The following CDKAL1 variants were observed in gnomAD, a reference collection of about 807,000 sequenced individuals.
The protein encoded by CDKAL1 is threonylcarbamoyladenosine tRNA methylthiotransferase.
CDKAL1 carries 32 observed loss-of-function variants against 68.2 expected under a neutral mutation model. The observed-to-expected ratio is 0.47, with a 90% CI of 0.35 to 0.63. The LOEUF (loss-of-function observed/expected upper bound fraction) is 0.63, where lower values mean the gene tolerates loss of function less well. CDKAL1 is among the 30% of genes least tolerant of loss of function. The pLI is 0.00. For missense variants in CDKAL1, 606 were observed against 696.7 expected (o/e 0.87, Z 1.47); for synonymous variants, 234 against 244.3 (o/e 0.96, Z 0.39).
chr6:20,618,189 G>A (rs144885161), intron 4 of CDKAL1, among the ~76,000 whole-genome samples: 98 of 152,300 alleles, frequency 6.4e-4, no homozygotes, highest in East Asian at 2.3e-3. Context: ...ATTTTTTCAT[G>A]TGTCTGTTGG....
intron 13 of CDKAL1, among the ~76,000 whole-genome samples, chr6:21,119,782 T>C (rs1410085960): frequency 1.3e-5 from 2 of 152,178 alleles, no homozygotes; most frequent in African/African-American, 4.8e-5. Flanking sequence ...CATGGTGCAT[T>C]TGGGTACCTG....
intron 14 of CDKAL1, among the ~76,000 whole-genome samples, chr6:21,200,321 G>A (rs1297997244): frequency 6.6e-6 from 1 of 152,228 alleles, no homozygotes; most frequent in Admixed American, 6.5e-5. Flanking sequence ...ACTGGTTCTA[G>A]ATGGAGGTAG....
chr6:20,992,884 A>T (rs1388031861), intron 10 of CDKAL1, among the ~76,000 whole-genome samples: 5 of 147,982 alleles, frequency 3.4e-5, no homozygotes, highest in African/African-American at 1.3e-4. Context: ...CCTGGGCAAC[A>T]GAATGAGACT....
chr6:20,891,637 C>T (rs1192905445), intron 9 of CDKAL1, among the ~76,000 whole-genome samples: 4 of 150,596 alleles, frequency 2.7e-5, no homozygotes, highest in African/African-American at 9.8e-5. Flanking sequence ...CGGGTTCAAG[C>T]GATTCTCCTG....
intron 9 of CDKAL1, among the ~76,000 whole-genome samples, chr6:20,920,405 A>G (rs1041481277): frequency 3.9e-5 from 6 of 152,236 alleles, no homozygotes; most frequent in African/African-American, 9.6e-5. Context: ...GATCAAAGTC[A>G]GTGAAGTGAA....
chr6:20,748,554 GGAAAAAA>G lies in CDKAL1; in HGVS notation c.468+8940_468+8946del, dbSNP rs1159305845. ...GGAAAGAGAGCAAGACTCTGTTTCTGGAAAAAAAAAAAAAAAAAAAAAAAAAAAAAAA... is the reference window on the plus strand; with the variant it reads ...GGAAAGAGAGCAAGACTCTGTTTCTGAAAAAAAAAAAAAAAAAAAAAAAAA... On this transcript the variant is annotated intron_variant, in intron 6 of 15. Transcript: ENST00000274695. Among the ~76,000 whole-genome samples the G allele has an allele frequency of 4.5e-3, 347 of 77,024 alleles. 32 individuals carry two copies. Among genetic ancestry groups the G allele is most frequent in the Middle Eastern group, 7.6e-3 (1 of 132 alleles). The allele number at this position is 77,024 out of a possible 152,430, so 50.5% of individuals were successfully genotyped here.
At chr6:21,187,770 G>A (rs1007401147) in intron 13 of CDKAL1, among the ~76,000 whole-genome samples, 1 of 151,804 alleles carries the variant, frequency 6.6e-6, no homozygotes, top group Non-Finnish European at 1.5e-5. Context: ...TTTTAAATTT[G>A]GCTTACTTTT....
chr6:20,740,122 T>A (rs994303371), intron 6 of CDKAL1, among the ~76,000 whole-genome samples: 1 of 152,242 alleles, frequency 6.6e-6, no homozygotes. Flanking sequence ...TGCAGTTACC[T>A]GTCGTATAAT....
Position 21,118,135 on chromosome 6 carries a change from C to T in CDKAL1, c.1299+9672C>T, listed in dbSNP as rs540308781. ...ACCCCCCAGAAGGTTCACTTTGTTT[C>T]TCCGTGATACATTTTATCATAAAAT... On this transcript the variant is annotated intron_variant, in intron 13 of 15. Coordinates refer to ENST00000274695, the MANE Select transcript of CDKAL1 (RefSeq NM_017774.3). 1.5e-4 allele frequency among the ~76,000 whole-genome samples: 23 copies of T among 152,278 alleles called. No individual in the cohort carries two copies. In the South Asian group the frequency reaches 4.8e-3, roughly 32 times the overall value.
intron 12 of CDKAL1, among the ~76,000 whole-genome samples, chr6:21,097,746 C>G (rs1357136790): frequency 6.6e-6 from 1 of 152,090 alleles, no homozygotes; most frequent in Non-Finnish European, 1.5e-5. Flanking sequence ...TGCAAACATA[C>G]TAAAAAGAAA....
intron 5 of CDKAL1, among the ~76,000 whole-genome samples, chr6:20,723,114 C>T (rs1419187019): frequency 6.6e-6 from 1 of 152,176 alleles, no homozygotes; most frequent in Non-Finnish European, 1.5e-5. Context: ...TGGAGGGCAG[C>T]TGCCCCATGT....
At chr6:21,166,622 C>A (rs1049754411) in intron 13 of CDKAL1, among the ~76,000 whole-genome samples, 3 of 152,074 alleles carry the variant, frequency 2.0e-5, no homozygotes, top group African/African-American at 7.2e-5. Context: ...TCTGAAATTT[C>A]ACTATTAAAA....
In CDKAL1 at chr6:20,955,527, A is replaced by AG. The variant is rs773175492; in HGVS notation, c.854dup (p.Ala286SerfsTer25). On this transcript the variant is annotated frameshift_variant, in exon 10 of 16. Coordinates refer to ENST00000274695, the MANE Select transcript of CDKAL1 (RefSeq NM_017774.3). LOFTEE classifies it high-confidence loss of function. ...TGGAAACTGGTTGAAGTGATTCCTG[A>AG]GGGAGCAATGCTGAGGCTTGGCATG... is the stretch of plus-strand genomic sequence containing the variant. 1 of 1,614,176 alleles carries AG rather than the reference A, an allele frequency of 6.2e-7. No homozygotes were observed. Among genetic ancestry groups the AG allele is most frequent in the East Asian group, 2.2e-5 (1 of 44,892 alleles).
At position 20,999,500 on chromosome 6, in the gene CDKAL1, G is replaced by T. The variant is rs531154278; in HGVS notation, c.910-727G>T. Among the ~76,000 whole-genome samples, 6 of 151,234 alleles carry T rather than the reference G, an allele frequency of 4.0e-5. No homozygotes were observed. In the South Asian group the frequency reaches 1.0e-3, roughly 26 times the overall value. On this transcript the variant is annotated intron_variant, in intron 10 of 15. Transcript: ENST00000274695. ...TTTTCACTTAAATGTATTCTCTTTCGCTTGGCAAGATACGTTCTTCTTAAT... is the reference window on the plus strand; with the variant it reads ...TTTTCACTTAAATGTATTCTCTTTCTCTTGGCAAGATACGTTCTTCTTAAT...
chr6:21,056,726 A>G (rs1770857951), intron 11 of CDKAL1, among the ~76,000 whole-genome samples: 1 of 152,142 alleles, frequency 6.6e-6, no homozygotes, highest in Non-Finnish European at 1.5e-5. Flanking sequence ...AGAGCTTTTA[A>G]CATGAAGGGA....
chr6:20,845,935 T>TA, intron 8 of CDKAL1, 140 bp from the exon 9 acceptor site: 1 of 514,768 alleles, frequency 1.9e-6, no homozygotes, highest in Non-Finnish European at 3.4e-6. Context: ...GCATGGTAGA[T>TA]ACTTGGTTTT....
chr6:20,950,092 G>T (rs530961124), intron 9 of CDKAL1, among the ~76,000 whole-genome samples: 3 of 151,988 alleles, frequency 2.0e-5, no homozygotes, highest in Non-Finnish European at 4.4e-5. Flanking sequence ...CCTCAAAGAG[G>T]TATTTTTTAT....
At chr6:20,860,227 G>A (rs1446124315) in intron 9 of CDKAL1, among the ~76,000 whole-genome samples, 1 of 151,996 alleles carries the variant, frequency 6.6e-6, no homozygotes, top group African/African-American at 2.4e-5. Context: ...ACAGGTGCCT[G>A]CCACCACGCC....
rs142703913 is a variant in CDKAL1 at position 21,182,066 on chromosome 6, G to A, written c.1300-15955G>A. Among the ~76,000 whole-genome samples the A allele has an allele frequency of 6.0e-4, 91 of 152,238 alleles. 1 individual carries two copies. Among genetic ancestry groups the A allele is most frequent in the African/African-American group, 2.2e-3 (90 of 41,532 alleles). Reference sequence around the variant, plus strand: ...AACTTACACAGTATCCTGAACCAAGGTACTTAAATTCTCTGTGCTTCTGTA... The same window carrying A: ...AACTTACACAGTATCCTGAACCAAGATACTTAAATTCTCTGTGCTTCTGTA... On this transcript the variant is annotated intron_variant, in intron 13 of 15. Transcript: ENST00000274695.
Sources: allele counts gnomAD v4.1 joint callset (sites outside exome capture counted in the v4.1 genomes callset), GRCh38; gene constraint gnomAD v4.1.1; transcripts MANE v1.5; gene names NCBI Gene and HGNC (gene_info 2026-07-23, HGNC 2026-07-21).